The following CAPNS1 variants were observed in gnomAD, a reference collection of about 807,000 sequenced individuals.
The protein encoded by CAPNS1 is CANP small subunit.
In CAPNS1, 32 loss-of-function variants were observed where a neutral mutation model predicts 39.2. The ratio of observed to expected loss-of-function variants is 0.82; its 90% CI spans 0.62 to 1.10. The LOEUF is 1.10. CAPNS1 is among the 50% of genes least tolerant of loss of function. The pLI is 0.00. For synonymous variants in CAPNS1, 153 were observed against 136.2 expected (o/e 1.12, Z -0.86); for missense variants, 353 against 373.1 (o/e 0.95, Z 0.44).
At chr19:36,140,967 G>A (rs1974334546) in intron 1 of CAPNS1, 30 bp from the exon 2 acceptor site, 1 of 1,589,978 alleles carries the variant, frequency 6.3e-7, no homozygotes. Context: ...CAGGGGCGAA[G>A]CACCCACTGG....
rs1417375329 is a variant in CAPNS1, at chr19:36,141,044, C to T, written c.33C>T (p.Gly11=). ...TGGTTAACTCGTTCTTGAAGGGCGG[C>T]GGCGGCGGCGGCGGGGGAGGCGGGG... is the stretch of plus-strand genomic sequence containing the variant. The part of the protein sequence containing the change: MFLVNSFLKG[G]GGGGGGGGGL... The change falls in exon 2 of 11, where the codon GGC becomes GGT. Residue 11 remains glycine (G), a synonymous_variant. Transcript: ENST00000246533. 11 of 1,114,928 alleles carry T rather than the reference C, an allele frequency of 9.9e-6. No homozygotes were observed. Among genetic ancestry groups the T allele is most frequent in the South Asian group, 2.7e-5 (2 of 73,368 alleles). The allele number at this position is 1,114,928 out of a possible 1,614,324, so 69.1% of individuals were successfully genotyped here. A position where few individuals can be genotyped will look rare whatever the true frequency, so the allele number is the denominator to read the frequency against.
intron 6 of CAPNS1, 98 bp downstream of exon 6, chr19:36,143,226 G>A: frequency 9.7e-7 from 1 of 1,031,088 alleles, no homozygotes; most frequent in Non-Finnish European, 1.5e-6. Flanking sequence ...ATCCACAGAT[G>A]TGGAAATGCA....
chr19:36,146,449 C>A, intron 9 of CAPNS1, 137 bp downstream of exon 9: 1 of 697,714 alleles, frequency 1.4e-6, no homozygotes. Context: ...TTTCTGCCCT[C>A]ATGGAGCTCA....
rs754928347 is a variant in CAPNS1 at position 36,142,707 on chromosome 19, A to C, written c.299A>C (p.Gln100Pro). The change falls in exon 4 of 11, where the codon CAG becomes CCG. Residue 100 changes from glutamine to proline, a missense_variant. Gln to Pro is a moderately conservative substitution (Grantham distance 76). Transcript: ENST00000246533. ...GCCAACGAGAGTGAGGAGGTCCGGCAGTTCCGGAGACTCTTTGCCCAGCTG... is the reference window on the plus strand; with the variant it reads ...GCCAACGAGAGTGAGGAGGTCCGGCCGTTCCGGAGACTCTTTGCCCAGCTG... ...IEANESEEVR[Q>P]FRRLFAQLAG... is the part of the protein sequence containing the mutation. 1 of 1,614,094 alleles carries C rather than the reference A, an allele frequency of 6.2e-7. No homozygotes were observed. Among genetic ancestry groups the C allele is most frequent in the Admixed American group, 1.7e-5 (1 of 60,000 alleles).
intron 6 of CAPNS1, among the ~76,000 whole-genome samples, chr19:36,143,456 G>A (rs1425205906): frequency 6.6e-6 from 1 of 152,110 alleles, no homozygotes; most frequent in African/African-American, 2.4e-5. Flanking sequence ...GTCAGGCATG[G>A]TGGCTCATGC....
intron 6 of CAPNS1, among the ~76,000 whole-genome samples, chr19:36,145,203 C>CTTTTTTTTTTTTT (rs5827950): frequency 1.7e-5 from 2 of 118,294 alleles, no homozygotes; most frequent in African/African-American, 3.3e-5. Context: ...TTTTCTTTCT[C>CTTTTTTTTTTTTT]TTTTTTTTTT....
At chr19:36,142,216 G>A in intron 2 of CAPNS1, 84 bp from the exon 3 acceptor site, 1 of 836,260 alleles carries the variant, frequency 1.2e-6, no homozygotes, top group Non-Finnish European at 2.1e-6. Context: ...CTGGGGTCTG[G>A]AGCGTTGGGG....
chr19:36,144,263 T>C (rs1974489005), intron 6 of CAPNS1: 1 of 151,448 alleles, frequency 6.6e-6, no homozygotes, highest in Non-Finnish European at 1.5e-5. Context: ...TCCCAGCTAC[T>C]CGGGAGTCCC....
intron 2 of CAPNS1, 113 bp downstream of exon 2, chr19:36,141,333 C>T (rs542696977): frequency 2.2e-6 from 3 of 1,388,982 alleles, no homozygotes; most frequent in Admixed American, 3.7e-5. Flanking sequence ...TGGAGGCTAA[C>T]CTGGGTACAT....
In CAPNS1 at chr19:36,141,160, G is replaced by A. The variant is rs913193741; in HGVS notation, c.149G>A (p.Gly50Glu). ...GGCGGCGGCGGCGGCGGCGGTGGTG[G>A]AGGCGGCGGTGGCGGTGGAACGGCC... ...GGGGGGGGGG[G>E]GGGGGGTAMR... Residue 50 changes from glycine (G) to glutamate (E), a missense_variant, in exon 2 of 11, where the codon GGA becomes GAA. Transcript: ENST00000246533. 2.8e-5 allele frequency: 39 copies of A among 1,402,332 alleles called. No individual in the cohort carries two copies. The highest frequency in any genetic ancestry group is 3.5e-5 in the Non-Finnish European group (38 of 1,081,842). The allele number at this position is 1,402,332 out of a possible 1,614,324, so 86.9% of individuals were successfully genotyped here.
chr19:36,150,085 A>G lies in CAPNS1; in HGVS notation c.*246A>G. On this transcript the variant is annotated 3_prime_UTR_variant, in exon 11 of 11. Coordinates refer to ENST00000246533, the MANE Select transcript of CAPNS1 (RefSeq NM_001749.4). ...GTCCACGGGTCTCCCCATTCCCACC[A>G]GGCCCTGCACACACCCACTCCGTAA... 1 of 397,600 alleles carries G rather than the reference A, an allele frequency of 2.5e-6. No homozygotes were observed. Among genetic ancestry groups the G allele is most frequent in the Admixed American group, 4.5e-5 (1 of 22,304 alleles). The allele number at this position is 397,600 out of a possible 1,614,324, so 24.6% of individuals were successfully genotyped here. A position where few individuals can be genotyped will look rare whatever the true frequency, so the allele number is the denominator to read the frequency against.
At chr19:36,140,811 G>A (rs1241917518) in intron 1 of CAPNS1, 186 bp from the exon 2 acceptor site, 18 of 740,292 alleles carry the variant, frequency 2.4e-5, no homozygotes, top group Non-Finnish European at 1.0e-5. Context: ...TTTTAGACCT[G>A]AGGAGGTTGC....
intron 5 of CAPNS1, 32 bp from the exon 6 acceptor site, chr19:36,143,032 C>G (rs1215921528): frequency 6.2e-7 from 1 of 1,613,500 alleles, no homozygotes. Context: ...GATTTGACCT[C>G]TGGCCTCTGA....
At chr19:36,145,946 C>T (rs1267731591) in intron 7 of CAPNS1, 30 bp from the exon 8 acceptor site, 1 of 1,613,086 alleles carries the variant, frequency 6.2e-7, no homozygotes, top group Admixed American at 1.7e-5. Context: ...CCACAATGCT[C>T]ACTTGGACCC....
At chr19:36,145,935 C>G in intron 7 of CAPNS1, 41 bp from the exon 8 acceptor site, 4 of 1,612,492 alleles carry the variant, frequency 2.5e-6, no homozygotes, top group Non-Finnish European at 3.4e-6. Context: ...GACACTATGC[C>G]CCACAATGCT....
At chr19:36,140,905 T>G in intron 1 of CAPNS1, 92 bp from the exon 2 acceptor site, 1 of 1,560,168 alleles carries the variant, frequency 6.4e-7, no homozygotes, top group African/African-American at 1.4e-5. Context: ...GGCTTCAGAT[T>G]CCTCCCAGGT....
rs566739480 is a variant in CAPNS1, at chr19:36,146,609, G to C, written c.721+297G>C. ...GCTCTGGTGAGGGGAAGAGTGAGCA[G>C]AGCGTGCTCAGATTGTGCTTGGGGA... On this transcript the variant is annotated intron_variant, in intron 9 of 10. Transcript: ENST00000246533. 2.0e-5 allele frequency among the ~76,000 whole-genome samples: 3 copies of C among 152,304 alleles called. No homozygotes were observed. The East Asian group carries it at 5.8e-4, about 29-fold the overall frequency.
At chr19:36,144,986 A>G (rs781664706) in intron 6 of CAPNS1, among the ~76,000 whole-genome samples, 4 of 152,194 alleles carry the variant, frequency 2.6e-5, no homozygotes, top group Non-Finnish European at 5.9e-5. Context: ...CTCTGGAAAT[A>G]GTCCTGGTAG....
intron 2 of CAPNS1, chr19:36,141,660 C>T: frequency 1.0e-6 from 1 of 959,420 alleles, no homozygotes; most frequent in Non-Finnish European, 1.3e-6. Context: ...GAGGTGAGCC[C>T]AGGAGGAAGC....
Sources: gnomAD v4.1 joint callset for allele counts (sites outside exome capture counted in the v4.1 genomes callset) on GRCh38, gnomAD v4.1.1 for gene constraint, MANE v1.5 for transcripts, NCBI Gene and HGNC (gene_info 2026-07-23, HGNC 2026-07-21) for gene names.